The following GPC6 variants were observed in gnomAD, a reference collection of about 807,000 sequenced individuals.
GPC6 encodes the protein glypican 6.
GPC6 carries 14 observed loss-of-function variants against 55.2 expected under a neutral mutation model. The ratio of observed to expected loss-of-function variants is 0.25; its 90% CI spans 0.17 to 0.40. The LOEUF (loss-of-function observed/expected upper bound fraction) is 0.40. Among genes scored for constraint, GPC6 ranks in the 10% least tolerant of loss-of-function variants. The pLI is 1.00. For missense variants in GPC6, 641 were observed against 708.5 expected, an observed-to-expected ratio of 0.90 and a Z score of 1.08; for synonymous variants, 278 against 259.6, an observed-to-expected ratio of 1.07 and a Z score of -0.68.
intron 1 of GPC6, among the ~76,000 whole-genome samples, chr13:93,337,438 T>G (rs930993470): frequency 6.6e-6 from 1 of 152,182 alleles, no homozygotes; most frequent in Non-Finnish European, 1.5e-5. Context: ...CTGCTTTATA[T>G]GTATCTACTC....
At chr13:93,584,352 G>T (rs2139494417) in intron 2 of GPC6, among the ~76,000 whole-genome samples, 1 of 152,274 alleles carries the variant, frequency 6.6e-6, no homozygotes, top group Middle Eastern at 3.4e-3. Flanking sequence ...GGGTCCCAGA[G>T]ACCATTTTCA....
At chr13:93,985,408 G>A (rs1191825451) in intron 3 of GPC6, among the ~76,000 whole-genome samples, 1 of 151,620 alleles carries the variant, frequency 6.6e-6, no homozygotes, top group Non-Finnish European at 1.5e-5. Flanking sequence ...CTGCACTCCA[G>A]CCCGGGCAAC....
At chr13:93,838,022 A>G (rs1887806086) in intron 3 of GPC6, among the ~76,000 whole-genome samples, 1 of 152,186 alleles carries the variant, frequency 6.6e-6, no homozygotes, top group African/African-American at 2.4e-5. Flanking sequence ...AAAACCATCT[A>G]TTTCACTAAT....
intron 2 of GPC6, among the ~76,000 whole-genome samples, chr13:93,614,095 C>T (rs747297747): frequency 6.6e-6 from 1 of 152,158 alleles, no homozygotes; most frequent in Non-Finnish European, 1.5e-5. Flanking sequence ...TTTATTTTCT[C>T]CTCAAATATG....
intron 1 of GPC6, among the ~76,000 whole-genome samples, chr13:93,397,708 T>C (rs942756308): frequency 6.6e-6 from 1 of 151,932 alleles, no homozygotes; most frequent in Non-Finnish European, 1.5e-5. Flanking sequence ...CAGCCTAGAG[T>C]TGTCTGGTTT....
chr13:93,765,490 T>A (rs4400909), intron 2 of GPC6, among the ~76,000 whole-genome samples: 104,053 of 146,318 alleles, frequency 0.71, 35,771 homozygotes, highest in Middle Eastern at 0.75. Flanking sequence ...TAAACTTTTT[T>A]AAAAAAAATG....
chr13:93,273,362 A>AAAGTACTG (rs1877609511), intron 1 of GPC6, among the ~76,000 whole-genome samples: 1 of 152,224 alleles, frequency 6.6e-6, no homozygotes, highest in South Asian at 2.1e-4. Flanking sequence ...AAAGTTAAAA[A>AAAGTACTG]AAGTACTGTA....
At chr13:93,364,346 ATGT>A (rs1881161061) in intron 1 of GPC6, among the ~76,000 whole-genome samples, 1 of 152,096 alleles carries the variant, frequency 6.6e-6, no homozygotes, top group Non-Finnish European at 1.5e-5. Context: ...TGGAGAATGT[ATGT>A]TATCTATCCA....
At chr13:94,134,534 C>T (rs542263707) in intron 4 of GPC6, among the ~76,000 whole-genome samples, 75 of 152,292 alleles carry the variant, frequency 4.9e-4, no homozygotes, top group African/African-American at 1.7e-3. Flanking sequence ...TGCTCATAAA[C>T]GTGCCCATTA....
At chr13:93,859,127 G>A (rs962131343) in intron 3 of GPC6, among the ~76,000 whole-genome samples, 9 of 151,586 alleles carry the variant, frequency 5.9e-5, no homozygotes, top group African/African-American at 1.9e-4. Flanking sequence ...CAGCTAGCAT[G>A]TGGGCAATCT....
At chr13:94,330,426 T>C (rs1185637452) in intron 6 of GPC6, among the ~76,000 whole-genome samples, 2 of 152,192 alleles carry the variant, frequency 1.3e-5, no homozygotes, top group African/African-American at 2.4e-5. Context: ...TTTAGAGATG[T>C]TGATCTGTTT....
intron 1 of GPC6, among the ~76,000 whole-genome samples, chr13:93,330,537 A>T (rs890927456): frequency 1.1e-4 from 16 of 149,880 alleles, no homozygotes; most frequent in African/African-American, 3.7e-4. Context: ...AAAAAAAAAA[A>T]TGCTTTTGCA....
chr13:94,371,773 C>T (rs2139192938), intron 6 of GPC6, among the ~76,000 whole-genome samples: 1 of 152,222 alleles, frequency 6.6e-6, no homozygotes, highest in Non-Finnish European at 1.5e-5. Flanking sequence ...CATATAACCC[C>T]CATACAGATT....
intron 2 of GPC6, among the ~76,000 whole-genome samples, chr13:93,781,533 A>G (rs954965348): frequency 3.9e-4 from 59 of 152,132 alleles, no homozygotes; most frequent in Non-Finnish European, 4.4e-5. Flanking sequence ...TGGGGTCCTA[A>G]AAATTCCCTG....
chr13:94,224,352 C>G (rs1277458693), intron 4 of GPC6, among the ~76,000 whole-genome samples: 1 of 150,504 alleles, frequency 6.6e-6, no homozygotes, highest in African/African-American at 2.4e-5. Context: ...AAAATATAAA[C>G]TTTATTTCTC....
At chr13:93,748,518 A>G (rs961208483) in intron 2 of GPC6, among the ~76,000 whole-genome samples, 1 of 151,986 alleles carries the variant, frequency 6.6e-6, no homozygotes, top group African/African-American at 2.4e-5. Flanking sequence ...CAACATTTCT[A>G]ATTCTATATT....
intron 6 of GPC6, among the ~76,000 whole-genome samples, chr13:94,359,759 TC>T (rs1266223400): frequency 6.6e-6 from 1 of 152,168 alleles, no homozygotes; most frequent in Non-Finnish European, 1.5e-5. Flanking sequence ...TCTTTCAGAT[TC>T]CAGTGTGCTT....
intron 3 of GPC6, among the ~76,000 whole-genome samples, chr13:93,894,669 G>GT (rs1278470060): frequency 6.6e-6 from 1 of 152,092 alleles, no homozygotes; most frequent in Non-Finnish European, 1.5e-5. Flanking sequence ...GTCGGTTGTG[G>GT]TTTCCCCCAG....
chr13:94,286,074 T>C (rs1164311381), intron 4 of GPC6, among the ~76,000 whole-genome samples: 1 of 152,226 alleles, frequency 6.6e-6, no homozygotes, highest in Non-Finnish European at 1.5e-5. Flanking sequence ...TTTTACTTCA[T>C]GTGGAATCAT....
Sources: allele counts gnomAD v4.1 joint callset (sites outside exome capture counted in the v4.1 genomes callset), GRCh38; gene constraint gnomAD v4.1.1; transcripts MANE v1.5; gene names NCBI Gene and HGNC (gene_info 2026-07-23, HGNC 2026-07-21).